Variants in EZH2 observed in about 807,000 individuals in gnomAD.
EZH2 encodes the protein histone-lysine N-methyltransferase EZH2.
EZH2 carries 18 observed loss-of-function variants against 98.4 expected under a neutral mutation model. The observed-to-expected ratio is 0.18, with a 90% CI of 0.13 to 0.27. EZH2 has a LOEUF of 0.27. EZH2 is among the 10% of genes least tolerant of loss of function. EZH2 has a pLI of 1.00. For missense variants in EZH2, 470 were observed against 935.1 expected, an observed-to-expected ratio of 0.50 and a Z score of 6.49; for synonymous variants, 338 against 312.3, an observed-to-expected ratio of 1.08 and a Z score of -0.87.
At chr7:148,864,154 G>A (rs776020359) in intron 1 of EZH2, among the ~76,000 whole-genome samples, 12 of 152,162 alleles carry the variant, frequency 7.9e-5, no homozygotes, top group Non-Finnish European at 1.6e-4. Context: ...ATTCTGCAGT[G>A]ATATATTTTC....
At chr7:148,811,836 T>G (rs1035574210) in intron 15 of EZH2, 116 bp from the exon 16 acceptor site, 1 of 835,270 alleles carries the variant, frequency 1.2e-6, no homozygotes, top group Admixed American at 2.3e-5. Context: ...GACCTGTTTG[T>G]TCTAAGGCAG....
intron 3 of EZH2, chr7:148,836,716 A>G: frequency 2.6e-6 from 1 of 388,768 alleles, no homozygotes; most frequent in Non-Finnish European, 5.0e-6. Context: ...GGTTTAAAAA[A>G]AAAGGGGATG....
At chr7:148,815,180 T>C in intron 13 of EZH2, 141 bp from the exon 14 acceptor site, 3 of 1,139,792 alleles carry the variant, frequency 2.6e-6, no homozygotes, top group Non-Finnish European at 3.7e-6. Context: ...ATTACACATA[T>C]TCCGGTTTCC....
chr7:148,855,621 T>G (rs1585212865), intron 1 of EZH2, among the ~76,000 whole-genome samples: 1 of 152,040 alleles, frequency 6.6e-6, no homozygotes, highest in East Asian at 1.9e-4. Context: ...GGCTATCAGG[T>G]GGGCGCTGTG....
At chr7:148,878,952 C>G (rs1820555107) in intron 1 of EZH2, among the ~76,000 whole-genome samples, 1 of 151,876 alleles carries the variant, frequency 6.6e-6, no homozygotes, top group South Asian at 2.1e-4. Context: ...CAGGCGTGCG[C>G]AGTAGCTCAC....
At chr7:148,837,803 A>G (rs1420616655) in intron 3 of EZH2, among the ~76,000 whole-genome samples, 1 of 152,232 alleles carries the variant, frequency 6.6e-6, no homozygotes, top group African/African-American at 2.4e-5. Context: ...AATGAAAGCA[A>G]CTAATCAAGT....
intron 3 of EZH2, among the ~76,000 whole-genome samples, chr7:148,840,123 G>A (rs978243515): frequency 1.3e-5 from 2 of 152,094 alleles, no homozygotes; most frequent in African/African-American, 4.8e-5. Context: ...ACTTTTGAGG[G>A]TGCATTTGGT....
intron 8 of EZH2, among the ~76,000 whole-genome samples, chr7:148,820,654 C>T (rs1162520014): frequency 6.6e-6 from 1 of 151,950 alleles, no homozygotes; most frequent in Non-Finnish European, 1.5e-5. Context: ...CAGCCTAACA[C>T]CAATACTAAT....
Position 148,834,337 on chromosome 7 carries a change from T to TTATATA in EZH2, c.247-1593_247-1588dup, listed in dbSNP as rs746918834. Among the ~76,000 whole-genome samples the TTATATA allele has an allele frequency of 4.8e-3, 692 of 142,692 alleles. 7 individuals are homozygous for TTATATA. The highest frequency in any genetic ancestry group is 0.018 in the African/African-American group (657 of 35,676). 93.6% of individuals were successfully genotyped at this position (142,692 alleles called of 152,430 possible). ...GTAGTAAAATGAAACTGAAAAATCATTATATATATATATATACACACACAC... is the reference window on the plus strand; with the variant it reads ...GTAGTAAAATGAAACTGAAAAATCATTATATATATATATATATATATACACACACAC... On this transcript the variant is annotated intron_variant, in intron 3 of 19. Coordinates refer to ENST00000320356, the MANE Select transcript of EZH2 (RefSeq NM_004456.5).
At chr7:148,819,292 G>A (rs189563079) in intron 9 of EZH2, among the ~76,000 whole-genome samples, 5 of 152,108 alleles carry the variant, frequency 3.3e-5, no homozygotes, top group Non-Finnish European at 5.9e-5. Flanking sequence ...CTTTCTAAGC[G>A]GACTATCTGT....
At chr7:148,883,564 C>A (rs957679950) in intron 1 of EZH2, 1 of 150,166 alleles carries the variant, frequency 6.7e-6, no homozygotes, top group Non-Finnish European at 1.5e-5. Context: ...CGGGGGCGTG[C>A]GCGAGGCGAG....
chr7:148,850,500 G>T (rs1046232319), intron 1 of EZH2: 3 of 909,204 alleles, frequency 3.3e-6, no homozygotes, highest in Non-Finnish European at 3.9e-6. Flanking sequence ...GTAGTTCTTT[G>T]AAAGTGTAAG....
At chr7:148,811,890 T>C (rs1803182659) in intron 15 of EZH2, 170 bp from the exon 16 acceptor site, 2 of 596,398 alleles carry the variant, frequency 3.4e-6, no homozygotes, top group Admixed American at 2.8e-5. Context: ...CTGCTGAGAA[T>C]GGCTATGAAC....
intron 19 of EZH2, among the ~76,000 whole-genome samples, chr7:148,808,127 G>T (rs1049552819): frequency 1.3e-5 from 2 of 152,200 alleles, no homozygotes; most frequent in African/African-American, 4.8e-5. Context: ...CCCGCCAGTT[G>T]CTCCCCCAGG....
intron 15 of EZH2, 105 bp from the exon 16 acceptor site, chr7:148,811,825 A>AAACAGGTCTGAG: frequency 1.0e-6 from 1 of 961,854 alleles, no homozygotes; most frequent in African/African-American, 1.6e-5. Context: ...GTAAATCCTC[A>AAACAGGTCTGAG]GACCTGTTTG....
At chr7:148,863,096 A>AAAAG (rs1554421263) in intron 1 of EZH2, among the ~76,000 whole-genome samples, 16 of 144,536 alleles carry the variant, frequency 1.1e-4, no homozygotes, top group African/African-American at 4.2e-4. Flanking sequence ...AAAAAAAAAA[A>AAAAG]AAAGAAAGAA....
rs148278088 is a variant in EZH2 at position 148,822,045 on chromosome 7, T to A, written c.908-2358A>T. On this transcript the variant is annotated intron_variant, in intron 8 of 19. Transcript: ENST00000320356. ...TCAGTAAATGAAACAACTAGGCAAC[T>A]TTGGAAGTGAGGAGGAGGATCAGAT... is the stretch of plus-strand genomic sequence containing the variant. 3.1e-3 allele frequency among the ~76,000 whole-genome samples: 472 copies of A among 152,218 alleles called. 2 individuals are homozygous for A. The highest frequency in any genetic ancestry group is 0.011 in the African/African-American group (443 of 41,512).
At position 148,853,923 on chromosome 7, in the gene EZH2, TAC is replaced by T. The variant is rs1419147120; in HGVS notation, c.-7-6620_-7-6619del. On this transcript the variant is annotated intron_variant, in intron 1 of 19. Coordinates refer to ENST00000320356, the MANE Select transcript of EZH2 (RefSeq NM_004456.5). ...AGAGCTTCCTCCATCCTCTCAGGTT[TAC>T]AGAGGCCCCAGGACATGGCCAAGAC... is the stretch of plus-strand genomic sequence containing the variant. Among the ~76,000 whole-genome samples, 5 of 152,294 alleles carry T rather than the reference TAC, an allele frequency of 3.3e-5. No individual in the cohort carries two copies. The East Asian group carries it at 7.7e-4, about 24-fold the overall frequency.
At chr7:148,814,168 C>A in intron 14 of EZH2, 31 bp from the exon 15 acceptor site, 1 of 1,603,214 alleles carries the variant, frequency 6.2e-7, no homozygotes, top group Non-Finnish European at 8.5e-7. Context: ...GTTCTTCACT[C>A]ATCACCGTAT....
Sources: allele counts gnomAD v4.1 joint callset (sites outside exome capture counted in the v4.1 genomes callset), GRCh38; gene constraint gnomAD v4.1.1; transcripts MANE v1.5; gene names NCBI Gene and HGNC (gene_info 2026-07-23, HGNC 2026-07-21).